The following LARGE1 variants were observed in gnomAD, a reference collection of about 807,000 sequenced individuals.
LARGE1 encodes LARGE xylosyl- and glucuronyltransferase 1.
In LARGE1, 43 loss-of-function variants were observed where a neutral mutation model predicts 87.6. That is an observed-to-expected ratio of 0.49 (90% CI 0.38 to 0.63). LARGE1 has a LOEUF of 0.63. Among genes scored for constraint, LARGE1 ranks in the 30% least tolerant of loss-of-function variants. The pLI is 0.00. For synonymous variants in LARGE1, 434 were observed against 394.6 expected, an observed-to-expected ratio of 1.10 and a Z score of -1.18; for missense variants, 802 against 1,000.2, an observed-to-expected ratio of 0.80 and a Z score of 2.67.
rs569578668 is a variant in LARGE1 at position 33,492,156 on chromosome 22, G to A, written c.788-59891C>T. On this transcript the variant is annotated intron_variant, in intron 6 of 14. Transcript: ENST00000397394. ...GATGGGGCCTTGTCGGCCACTGGCA[G>A]GTGACAGATGAGCCAATGCATCACT... is the stretch of plus-strand genomic sequence containing the variant. Among the ~76,000 whole-genome samples the A allele has an allele frequency of 5.7e-3, 869 of 152,308 alleles. 3 individuals are homozygous for A. The highest frequency in any genetic ancestry group is 0.025 in the South Asian group (119 of 4,824).
chr22:33,482,719 A>C (rs943535346), intron 6 of LARGE1, among the ~76,000 whole-genome samples: 5 of 152,238 alleles, frequency 3.3e-5, no homozygotes, highest in Non-Finnish European at 7.3e-5. Context: ...AATAAAAAAA[A>C]ACACCAAACA....
intron 3 of LARGE1, among the ~76,000 whole-genome samples, chr22:33,632,086 C>T (rs924812983): frequency 4.6e-5 from 7 of 152,190 alleles, no homozygotes; most frequent in African/African-American, 1.7e-4. Flanking sequence ...TCACTCTCTA[C>T]CCTTCTCCTA....
chr22:33,417,767 G>A (rs577896476), intron 7 of LARGE1, among the ~76,000 whole-genome samples: 3 of 152,112 alleles, frequency 2.0e-5, no homozygotes, highest in Non-Finnish European at 1.5e-5. Context: ...TAGGACGGAG[G>A]TCCCCACGCC....
At chr22:33,797,083 A>C (rs2086010294) in intron 1 of LARGE1, among the ~76,000 whole-genome samples, 1 of 152,114 alleles carries the variant, frequency 6.6e-6, no homozygotes, top group Non-Finnish European at 1.5e-5. Context: ...CTCTTCTAAA[A>C]GCATCTCCAA....
chr22:33,899,592 C>G (rs539272038), intron 1 of LARGE1, among the ~76,000 whole-genome samples: 6 of 152,162 alleles, frequency 3.9e-5, no homozygotes, highest in Non-Finnish European at 5.9e-5. Context: ...GAGTTCCAAG[C>G]AAGCAGGGAC....
intron 11 of LARGE1, among the ~76,000 whole-genome samples, chr22:33,250,432 A>G (rs373021415): frequency 1.3e-5 from 2 of 152,036 alleles, no homozygotes; most frequent in Non-Finnish European, 1.5e-5. Flanking sequence ...GTTCTTTTGG[A>G]TTTTCTACAC....
chr22:33,319,708 T>C (rs1936531561), intron 10 of LARGE1, among the ~76,000 whole-genome samples: 1 of 152,188 alleles, frequency 6.6e-6, no homozygotes, highest in African/African-American at 2.4e-5. Flanking sequence ...TAAATGCTTC[T>C]TGAAGGCCAC....
At chr22:33,757,200 GT>G (rs143747220) in intron 2 of LARGE1, among the ~76,000 whole-genome samples, 2,193 of 152,220 alleles carry the variant, frequency 0.014, 47 homozygotes, top group African/African-American at 0.051. Context: ...TGAAACAGGT[GT>G]TCTTTCTTAC....
chr22:33,715,362 C>T lies in LARGE1; in HGVS notation c.106+46009G>A, dbSNP rs536900601. Among the ~76,000 whole-genome samples, 5 of 152,254 alleles carry T rather than the reference C, an allele frequency of 3.3e-5. No homozygotes were observed. The East Asian group carries it at 5.8e-4, about 18-fold the overall frequency. On this transcript the variant is annotated intron_variant, in intron 2 of 14. Transcript: ENST00000397394. ...CATACTTCTTAGAGGTACAACAGAT[C>T]CATGTCGTCCTGCTTCTTTGAATTA...
intron 6 of LARGE1, among the ~76,000 whole-genome samples, chr22:33,490,619 C>G (rs544728153): frequency 6.6e-6 from 1 of 152,318 alleles, no homozygotes; most frequent in South Asian, 2.1e-4. Flanking sequence ...AGAGTCAGAT[C>G]AATCTGATAG....
At chr22:33,761,038 C>T (rs936908306) in intron 2 of LARGE1, among the ~76,000 whole-genome samples, 1 of 152,134 alleles carries the variant, frequency 6.6e-6, no homozygotes, top group Admixed American at 6.5e-5. Context: ...GATGGACCAA[C>T]TCTTGAAACA....
chr22:33,410,587 A>G (rs1405035790), intron 7 of LARGE1, among the ~76,000 whole-genome samples: 2 of 152,060 alleles, frequency 1.3e-5, no homozygotes, highest in Non-Finnish European at 2.9e-5. Context: ...CACCATGATT[A>G]TAAGTTTCCT....
intron 5 of LARGE1, among the ~76,000 whole-genome samples, chr22:33,595,563 T>C (rs551564532): frequency 2.0e-4 from 31 of 152,240 alleles, no homozygotes; most frequent in African/African-American, 7.5e-4. Flanking sequence ...GTTTTAAGGG[T>C]CAACTGTCAC....
intron 9 of LARGE1, among the ~76,000 whole-genome samples, chr22:33,349,029 T>C (rs1940098072): frequency 6.6e-6 from 1 of 152,180 alleles, no homozygotes; most frequent in Non-Finnish European, 1.5e-5. Context: ...TCTTCTGCCA[T>C]GATTGTGAGG....
intron 1 of LARGE1, among the ~76,000 whole-genome samples, chr22:33,860,650 G>T (rs2063890326): frequency 6.6e-6 from 1 of 152,154 alleles, no homozygotes. Flanking sequence ...CTCAGAGGGG[G>T]CTCTTCTGAG....
chr22:33,311,819 T>A (rs1935628885), intron 11 of LARGE1, among the ~76,000 whole-genome samples: 2 of 152,306 alleles, frequency 1.3e-5, no homozygotes, highest in South Asian at 4.2e-4. Flanking sequence ...TTATAGAGGA[T>A]CTCTTATTTA....
chr22:33,639,845 A>T (rs943337221), intron 3 of LARGE1, among the ~76,000 whole-genome samples: 1 of 152,242 alleles, frequency 6.6e-6, no homozygotes, highest in Non-Finnish European at 1.5e-5. Context: ...CTGAAACAGC[A>T]CTGCACAGGC....
chr22:33,212,524 T>G (rs1053008936), intron 11 of LARGE1, among the ~76,000 whole-genome samples: 9 of 152,228 alleles, frequency 5.9e-5, no homozygotes, highest in Non-Finnish European at 8.8e-5. Flanking sequence ...TGTACAAGAT[T>G]AATGTTGCTT....
At chr22:33,247,784 A>G (rs1926833246) in intron 11 of LARGE1, among the ~76,000 whole-genome samples, 1 of 152,238 alleles carries the variant, frequency 6.6e-6, no homozygotes, top group Non-Finnish European at 1.5e-5. Flanking sequence ...CCGGACATAT[A>G]TCTCAAGCTA....
Sources: allele counts gnomAD v4.1 joint callset (sites outside exome capture counted in the v4.1 genomes callset), GRCh38; gene constraint gnomAD v4.1.1; transcripts MANE v1.5; gene names NCBI Gene and HGNC (gene_info 2026-07-23, HGNC 2026-07-21).